The following EPB41L3 variants were observed in gnomAD, a reference collection of about 807,000 sequenced individuals.
The protein encoded by EPB41L3 is band 4.1-like protein 3.
A neutral mutation model predicts 127.1 loss-of-function variants in EPB41L3; 57 were observed. The ratio of observed to expected loss-of-function variants is 0.45; its 90% CI spans 0.36 to 0.56. The LOEUF is 0.56. EPB41L3 is among the 20% of genes least tolerant of loss of function. The probability of loss-of-function intolerance (pLI) is 0.00; values close to 1 mark genes in which losing one functional copy is unlikely to be tolerated. For synonymous variants in EPB41L3, 572 were observed against 549.5 expected (o/e 1.04, Z -0.57); for missense variants, 1,273 against 1,372.2 (o/e 0.93, Z 1.14).
intron 1 of EPB41L3, among the ~76,000 whole-genome samples, chr18:5,503,540 G>C (rs1279763322): frequency 6.6e-6 from 1 of 152,226 alleles, no homozygotes; most frequent in Non-Finnish European, 1.5e-5. Context: ...TGGAATGAGA[G>C]TGGTGAGATC....
At chr18:5,460,900 G>A (rs1169207806) in intron 3 of EPB41L3, among the ~76,000 whole-genome samples, 1 of 152,068 alleles carries the variant, frequency 6.6e-6, no homozygotes, top group Admixed American at 6.5e-5. Context: ...TTGTTATACT[G>A]GGTGCATTTA....
At chr18:5,610,212 G>C in intron 3 of EPB41L3, 3 of 985,384 alleles carry the variant, frequency 3.0e-6, no homozygotes, top group Non-Finnish European at 3.6e-6. Flanking sequence ...CATATTCCAT[G>C]TTCCAAGTGA....
At chr18:5,395,275 C>T (rs1039906740) in intron 20 of EPB41L3, 128 bp from the exon 21 acceptor site, 6 of 822,844 alleles carry the variant, frequency 7.3e-6, no homozygotes, top group African/African-American at 5.0e-5. Context: ...AGTTCTATGG[C>T]ACTTATTTCA....
chr18:5,547,555 A>T (rs1047287974), upstream of EPB41L3, among the ~76,000 whole-genome samples: 2 of 152,148 alleles, frequency 1.3e-5, no homozygotes, highest in African/African-American at 2.4e-5. Flanking sequence ...TCTCTACGCT[A>T]ATCTTATTTA....
At chr18:5,503,013 G>A (rs1020685234) in intron 1 of EPB41L3, among the ~76,000 whole-genome samples, 3 of 152,292 alleles carry the variant, frequency 2.0e-5, no homozygotes, top group African/African-American at 7.2e-5. Flanking sequence ...AAGTCAAAAT[G>A]TCAAAGAGTG....
rs2089732402 is a variant in EPB41L3 at position 5,486,265 on chromosome 18, G to C, written c.183+2736C>G. On this transcript the variant is annotated intron_variant, in intron 2 of 22. Transcript: ENST00000341928. ...CAGTCCTTTCAGTAAAGGGTGTAGG[G>C]AAAACTGGATAACTGTATGAGACCA... 2.6e-5 allele frequency among the ~76,000 whole-genome samples: 4 copies of C among 152,040 alleles called. No individual in the cohort carries two copies. The South Asian group carries it at 8.3e-4, about 32-fold the overall frequency.
intron 2 of EPB41L3, chr18:5,480,015 TC>T (rs1359329551): frequency 6.6e-6 from 1 of 152,202 alleles, no homozygotes; most frequent in Non-Finnish European, 1.5e-5. Flanking sequence ...TATTTTTGTC[TC>T]TTCATAGGCA....
intron 1 of EPB41L3, among the ~76,000 whole-genome samples, chr18:5,513,011 T>C (rs1239062426): frequency 6.6e-6 from 1 of 152,174 alleles, no homozygotes. Context: ...ACAGCATGCA[T>C]GAGGGTGCTT....
At chr18:5,619,878 G>A (rs182150826) in intron 1 of EPB41L3, among the ~76,000 whole-genome samples, 12 of 152,058 alleles carry the variant, frequency 7.9e-5, no homozygotes, top group South Asian at 4.2e-4. Context: ...CAGGTAACAC[G>A]GTAAACAGTG....
chr18:5,622,951 ATTTTTTTTTTTTTTTT>A, intron 1 of EPB41L3, among the ~76,000 whole-genome samples: 1 of 76,050 alleles, frequency 1.3e-5, no homozygotes, highest in East Asian at 4.1e-4. Context: ...CATAATGCTG[ATTTTTTTTTTTTTTTT>A]TTTTTTTTTT....
chr18:5,396,520 T>C (rs751101936), intron 18 of EPB41L3, among the ~76,000 whole-genome samples, 188 bp from the exon 19 acceptor site: 3 of 152,182 alleles, frequency 2.0e-5, no homozygotes, highest in Non-Finnish European at 4.4e-5. Context: ...AGCACTTTTA[T>C]ATGAAATGCT....
At chr18:5,542,480 C>T (rs112812920) in intron 1 of EPB41L3, among the ~76,000 whole-genome samples, 8 of 152,026 alleles carry the variant, frequency 5.3e-5, no homozygotes, top group African/African-American at 1.7e-4. Flanking sequence ...CTCCCCACCC[C>T]CCCTCAACAA....
intron 1 of EPB41L3, among the ~76,000 whole-genome samples, chr18:5,511,915 TTTCA>T: frequency 6.6e-6 from 1 of 152,214 alleles, no homozygotes; most frequent in East Asian, 1.9e-4. Context: ...AGATTCGCAG[TTTCA>T]AAAGGCTTCC....
At chr18:5,589,349 A>T (rs1354935708) in intron 3 of EPB41L3, among the ~76,000 whole-genome samples, 1 of 151,760 alleles carries the variant, frequency 6.6e-6, no homozygotes, top group Non-Finnish European at 1.5e-5. Context: ...CTTGTAAAAG[A>T]TGATTAAGGA....
At chr18:5,431,204 A>C (rs2078966895) in intron 8 of EPB41L3, 1 of 152,216 alleles carries the variant, frequency 6.6e-6, no homozygotes, top group South Asian at 2.1e-4. Flanking sequence ...TTTCCAAAAC[A>C]TAGGACCTTT....
At chr18:5,603,887 A>T (rs980052473) in intron 3 of EPB41L3, among the ~76,000 whole-genome samples, 6 of 152,158 alleles carry the variant, frequency 3.9e-5, no homozygotes, top group Non-Finnish European at 8.8e-5. Flanking sequence ...TTAAAAAAAA[A>T]GTTGAATGAG....
At chr18:5,457,851 A>C (rs2083361667) in intron 3 of EPB41L3, among the ~76,000 whole-genome samples, 1 of 152,136 alleles carries the variant, frequency 6.6e-6, no homozygotes, top group Non-Finnish European at 1.5e-5. Context: ...TCCACCCCTG[A>C]ACTGCAGGAC....
rs967674417 is a variant in EPB41L3, at chr18:5,452,304, G to T, written c.382-7060C>A. 2.0e-5 allele frequency among the ~76,000 whole-genome samples: 3 copies of T among 151,812 alleles called. No homozygotes were observed. In the East Asian group the frequency reaches 5.8e-4, roughly 29 times the overall value. ...TTGGGAGGAAGTATATAGCTTTTTC[G>T]GATTTCGTCTAGGCCAATATTCATA... On this transcript the variant is annotated intron_variant, in intron 3 of 22. Coordinates refer to ENST00000341928, the MANE Select transcript of EPB41L3 (RefSeq NM_012307.5).
At chr18:5,417,661 A>G (rs2076990665) in intron 12 of EPB41L3, among the ~76,000 whole-genome samples, 1 of 152,222 alleles carries the variant, frequency 6.6e-6, no homozygotes, top group Non-Finnish European at 1.5e-5. Context: ...CAGAAAGAAA[A>G]TGCACAAATA....
Sources: gnomAD v4.1 joint callset for allele counts (sites outside exome capture counted in the v4.1 genomes callset) on GRCh38, gnomAD v4.1.1 for gene constraint, MANE v1.5 for transcripts, NCBI Gene and HGNC (gene_info 2026-07-23, HGNC 2026-07-21) for gene names.